Variants in NXPE2 observed in about 807,000 individuals in gnomAD.
NXPE2 encodes the protein NXPE family member 2.
Under a neutral mutation model 34.4 loss-of-function variants are expected in NXPE2, and 34 were observed. That is an observed-to-expected ratio of 0.99 (90% CI 0.75 to 1.31). The LOEUF is 1.31. Among genes scored for constraint, NXPE2 ranks in the 40% most tolerant of loss-of-function variants. NXPE2 has a pLI of 0.00. For missense variants in NXPE2, 649 were observed against 672.5 expected, an observed-to-expected ratio of 0.97 and a Z score of 0.39; for synonymous variants, 235 against 231.3, an observed-to-expected ratio of 1.02 and a Z score of -0.15.
At chr11:114,581,350 G>C in the NXPE2 span, among the ~76,000 whole-genome samples, 3 of 152,210 alleles carry the variant, frequency 2.0e-5, no homozygotes, top group Non-Finnish European at 2.9e-5. Context: ...GAAACCTCTA[G>C]ATGGTGATGG....
At chr11:114,535,920 C>A in the NXPE2 span, among the ~76,000 whole-genome samples, 1 of 152,266 alleles carries the variant, frequency 6.6e-6, no homozygotes, top group East Asian at 1.9e-4. Context: ...CTCAGCTCTG[C>A]ACCAAGCAGA....
At chr11:114,723,117 G>A in the NXPE2 span, among the ~76,000 whole-genome samples, 1 of 152,128 alleles carries the variant, frequency 6.6e-6, no homozygotes, top group Non-Finnish European at 1.5e-5. Flanking sequence ...TCAAAATTCA[G>A]GGTAGTGGAT....
chr11:114,734,985 C>T, the NXPE2 span, among the ~76,000 whole-genome samples: 3 of 152,150 alleles, frequency 2.0e-5, no homozygotes, highest in Non-Finnish European at 2.9e-5. Flanking sequence ...TGGTGGGTGC[C>T]TGTAGTCCAG....
In NXPE2 at chr11:114,706,647, C is replaced by T; in HGVS notation, c.1397C>T (p.Ala466Val). 6.4e-7 allele frequency: 1 copy of T among 1,551,890 alleles called. No homozygotes were observed. Residue 466 changes from alanine (A) to valine (V), a missense_variant, in exon 6 of 6, where the codon GCC (alanine) becomes GTC (valine). Physicochemically the swap from Ala to Val is moderately conservative, Grantham distance 64. Transcript: ENST00000389586. ...PFPINIFIRR[A>V]INIQKAIERL... ...CCCATCAACATTTTCATCCGTAGGG[C>T]CATCAATATTCAAAAGGCCATTGAA...
the NXPE2 span, among the ~76,000 whole-genome samples, chr11:114,593,679 C>G: frequency 1.3e-5 from 2 of 152,032 alleles, no homozygotes; most frequent in Non-Finnish European, 2.9e-5. Flanking sequence ...TAGGTATATA[C>G]CCAAAATAAA....
chr11:114,737,611 T>A, the NXPE2 span, among the ~76,000 whole-genome samples: 10 of 152,164 alleles, frequency 6.6e-5, no homozygotes, highest in Non-Finnish European at 1.5e-4. Context: ...ATTTTGTGGA[T>A]GAGAAAACAG....
the NXPE2 span, among the ~76,000 whole-genome samples, chr11:114,661,007 T>C: frequency 1.3e-5 from 2 of 152,148 alleles, no homozygotes; most frequent in African/African-American, 2.4e-5. Context: ...CACAGCATGA[T>C]TAAGAATGGC....
chr11:114,540,627 C>T, the NXPE2 span, among the ~76,000 whole-genome samples: 1 of 151,874 alleles, frequency 6.6e-6, no homozygotes, highest in South Asian at 2.1e-4. Flanking sequence ...TAACTTGTGA[C>T]TCTCTTTCAG....
At chr11:114,803,858 A>G in the NXPE2 span, among the ~76,000 whole-genome samples, 7 of 152,004 alleles carry the variant, frequency 4.6e-5, no homozygotes, top group Admixed American at 3.9e-4. Flanking sequence ...GATTACAGGC[A>G]TGAGCCACCA....
the NXPE2 span, among the ~76,000 whole-genome samples, chr11:114,714,575 CTG>C: frequency 6.6e-6 from 1 of 152,188 alleles, no homozygotes; most frequent in Non-Finnish European, 1.5e-5. Flanking sequence ...GGCCAGGCCT[CTG>C]TATCTCCCAT....
At chr11:114,589,569 A>C in the NXPE2 span, among the ~76,000 whole-genome samples, 1 of 152,258 alleles carries the variant, frequency 6.6e-6, no homozygotes, top group East Asian at 1.9e-4. Context: ...TCTAGCTTGC[A>C]TGTGGGCCAG....
the NXPE2 span, among the ~76,000 whole-genome samples, chr11:114,637,409 CTT>C: frequency 4.8e-4 from 73 of 152,146 alleles, 2 homozygotes; most frequent in South Asian, 0.015. Flanking sequence ...GGTCTTGACT[CTT>C]TATCCAATTT....
intron 2 of NXPE2, among the ~76,000 whole-genome samples, chr11:114,689,864 T>C (rs908983749): frequency 3.9e-5 from 6 of 152,314 alleles, no homozygotes; most frequent in African/African-American, 1.4e-4. Context: ...TTGTCCTTTT[T>C]TAAATTTTTT....
the NXPE2 span, among the ~76,000 whole-genome samples, chr11:114,626,401 C>A: frequency 2.0e-5 from 3 of 152,194 alleles, no homozygotes; most frequent in Non-Finnish European, 4.4e-5. Flanking sequence ...GGGAGGCACC[C>A]CCCAACAGGG....
At chr11:114,679,789 C>T (rs1950918152) in intron 2 of NXPE2, 27 bp downstream of exon 2, 8 of 1,376,880 alleles carry the variant, frequency 5.8e-6, no homozygotes, top group Non-Finnish European at 8.1e-6. Flanking sequence ...TTAAGAATTT[C>T]ACAGAAGGTC....
the NXPE2 span, among the ~76,000 whole-genome samples, chr11:114,638,420 G>A: frequency 0.015 from 2,231 of 151,744 alleles, 47 homozygotes; most frequent in African/African-American, 0.051. Context: ...ATTTCCTCCT[G>A]TAGCTCAGAG....
the NXPE2 span, among the ~76,000 whole-genome samples, chr11:114,574,942 A>G: frequency 6.6e-6 from 1 of 152,244 alleles, no homozygotes; most frequent in South Asian, 2.1e-4. Flanking sequence ...TAAAATCCTC[A>G]CCAAAATACT....
chr11:114,574,163 A>G, the NXPE2 span, among the ~76,000 whole-genome samples: 25 of 152,146 alleles, frequency 1.6e-4, no homozygotes, highest in African/African-American at 5.5e-4. Context: ...TTTGAACTGA[A>G]CCATAATAGT....
the NXPE2 span, among the ~76,000 whole-genome samples, chr11:114,613,243 C>A: frequency 6.6e-6 from 1 of 152,016 alleles, no homozygotes; most frequent in South Asian, 2.1e-4. Context: ...ACCACTGTTA[C>A]CCGGTGGATA....
Sources: gnomAD v4.1 joint callset for allele counts (sites outside exome capture counted in the v4.1 genomes callset) on GRCh38, gnomAD v4.1.1 for gene constraint, MANE v1.5 for transcripts, NCBI Gene and HGNC (gene_info 2026-07-23, HGNC 2026-07-21) for gene names.